The following RBFOX1 variants were observed in gnomAD, a reference collection of about 807,000 sequenced individuals.
RBFOX1 encodes the protein RNA binding protein fox-1 homolog 1.
In RBFOX1, 8 loss-of-function variants were observed where a neutral mutation model predicts 57.7. The ratio of observed to expected loss-of-function variants is 0.14; its 90% confidence interval spans 0.08 to 0.25. The LOEUF (loss-of-function observed/expected upper bound fraction) is 0.25. Among genes scored for constraint, RBFOX1 ranks in the 10% least tolerant of loss-of-function variants. The pLI is 1.00. For missense variants in RBFOX1, 611 were observed against 548.5 expected, an observed-to-expected ratio of 1.11 and a Z score of -1.14; for synonymous variants, 326 against 222.4, an observed-to-expected ratio of 1.47 and a Z score of -4.15.
chr16:7,111,923 C>T (rs778876446), intron 4 of RBFOX1, among the ~76,000 whole-genome samples: 9 of 152,074 alleles, frequency 5.9e-5, no homozygotes, highest in Non-Finnish European at 1.0e-4. Flanking sequence ...CAAGTGGTCT[C>T]ATTCACAATT....
chr16:6,990,436 A>G (rs1356070934), intron 3 of RBFOX1, among the ~76,000 whole-genome samples: 1 of 152,072 alleles, frequency 6.6e-6, no homozygotes, highest in African/African-American at 2.4e-5. Context: ...GAGGCAGGAG[A>G]ATCGCTTGAA....
intron 3 of RBFOX1, among the ~76,000 whole-genome samples, chr16:6,926,243 G>T (rs1597408748): frequency 1.3e-5 from 2 of 152,110 alleles, no homozygotes; most frequent in East Asian, 3.9e-4. Flanking sequence ...GGAGGGGGAG[G>T]TTGCAGTGAG....
chr16:7,142,335 C>T (rs983570536), intron 4 of RBFOX1, among the ~76,000 whole-genome samples: 1 of 152,128 alleles, frequency 6.6e-6, no homozygotes, highest in Non-Finnish European at 1.5e-5. Flanking sequence ...AGTCCCATTT[C>T]ACTTAGGAAA....
intron 3 of RBFOX1, among the ~76,000 whole-genome samples, chr16:6,659,641 C>T (rs955484944): frequency 2.0e-5 from 3 of 152,018 alleles, no homozygotes; most frequent in Non-Finnish European, 4.4e-5. Flanking sequence ...CAGAGTCTGT[C>T]CTCTTAGTTT....
At chr16:7,341,707 C>A (rs952459611) in intron 4 of RBFOX1, among the ~76,000 whole-genome samples, 3 of 150,278 alleles carry the variant, frequency 2.0e-5, no homozygotes, top group Non-Finnish European at 3.0e-5. Flanking sequence ...TCCTTCCTTC[C>A]TTCCTTCCTT....
Position 6,749,915 on chromosome 16 carries a change from A to T in RBFOX1, c.-16+95265A>T, listed in dbSNP as rs970992037. Among the ~76,000 whole-genome samples the T allele has an allele frequency of 5.3e-5, 8 of 152,312 alleles. No individual in the cohort carries two copies. The East Asian group carries it at 1.4e-3, about 26-fold the overall frequency. On this transcript the variant is annotated intron_variant, in intron 3 of 15. Coordinates refer to ENST00000550418, the MANE Select transcript of RBFOX1 (RefSeq NM_018723.4). ...ATTTCTACATCCTCAGAATACAATA[A>T]GGGCCAAGCTGACTGTGTCAGGGTG...
chr16:6,202,824 G>T (rs572455400), intron 1 of RBFOX1, among the ~76,000 whole-genome samples: 20 of 152,202 alleles, frequency 1.3e-4, no homozygotes, highest in African/African-American at 3.9e-4. Flanking sequence ...ATCTCATTCT[G>T]TTGCCCAGGC....
At chr16:6,795,219 A>G (rs1052103928) in intron 3 of RBFOX1, among the ~76,000 whole-genome samples, 12 of 152,244 alleles carry the variant, frequency 7.9e-5, no homozygotes, top group African/African-American at 2.6e-4. Context: ...TAGGTTACCC[A>G]CTTGTGTCCA....
intron 3 of RBFOX1, among the ~76,000 whole-genome samples, chr16:6,746,356 C>A (rs1304172187): frequency 6.6e-6 from 1 of 152,016 alleles, no homozygotes; most frequent in Non-Finnish European, 1.5e-5. Flanking sequence ...GTATGATTTG[C>A]AGACTTAATG....
chr16:6,871,211 A>C (rs1050500070), intron 3 of RBFOX1, among the ~76,000 whole-genome samples: 4 of 151,978 alleles, frequency 2.6e-5, no homozygotes, highest in African/African-American at 9.7e-5. Context: ...TTGGAGATGG[A>C]GTGTTGCTCT....
chr16:6,441,066 G>A (rs1303979777), intron 2 of RBFOX1, among the ~76,000 whole-genome samples: 2 of 151,702 alleles, frequency 1.3e-5, no homozygotes, highest in Non-Finnish European at 2.9e-5. Flanking sequence ...CACCGTCCAA[G>A]AGTGATGACC....
intron 1 of RBFOX1, among the ~76,000 whole-genome samples, chr16:6,201,084 G>A (rs547739816): frequency 4.0e-5 from 6 of 151,896 alleles, no homozygotes; most frequent in East Asian, 3.9e-4. Flanking sequence ...GGCTTATTTC[G>A]CTTAACATAA....
At chr16:6,578,297 C>T (rs1039265779) in intron 2 of RBFOX1, among the ~76,000 whole-genome samples, 5 of 152,152 alleles carry the variant, frequency 3.3e-5, no homozygotes, top group African/African-American at 1.2e-4. Context: ...AATGGATCAT[C>T]ATGTAACAGG....
At chr16:6,237,568 C>T (rs904429317) in intron 1 of RBFOX1, among the ~76,000 whole-genome samples, 2 of 152,078 alleles carry the variant, frequency 1.3e-5, no homozygotes, top group South Asian at 2.1e-4. Context: ...ATGGTGAAAC[C>T]TCGTCTTTAC....
intron 4 of RBFOX1, among the ~76,000 whole-genome samples, chr16:7,313,050 G>A (rs1186173765): frequency 6.6e-6 from 1 of 152,062 alleles, no homozygotes; most frequent in South Asian, 2.1e-4. Flanking sequence ...GTTCCCCACT[G>A]CTGCTCTTCC....
At chr16:5,973,534 C>T (rs936492127) in intron 4 of RBFOX1, among the ~76,000 whole-genome samples, 1 of 152,112 alleles carries the variant, frequency 6.6e-6, no homozygotes, top group African/African-American at 2.4e-5. Flanking sequence ...TATGAAGGAC[C>T]AGTCTCGATT....
At chr16:7,201,686 A>G (rs8054860) in intron 4 of RBFOX1, among the ~76,000 whole-genome samples, 14,907 of 152,020 alleles carry the variant, frequency 0.098, 780 homozygotes, top group Non-Finnish European at 0.11. Flanking sequence ...CTGGTCTTGA[A>G]TCCAGACCTC....
chr16:7,265,264 G>T (rs2095083438), intron 4 of RBFOX1, among the ~76,000 whole-genome samples: 1 of 151,864 alleles, frequency 6.6e-6, no homozygotes, highest in African/African-American at 2.4e-5. Context: ...CAGGGTAGTA[G>T]GATGGTCTAG....
rs1223194106 is a variant in RBFOX1 at position 6,168,381 on chromosome 16, A to G, written c.-127+148389A>G. On this transcript the variant is annotated intron_variant, in intron 1 of 15. Transcript: ENST00000550418. Reference sequence around the variant, plus strand: ...GCTTAAGTATGAACAGCTTAAGGAGAGGTCATGTCTTCCTTCTACGTAGAG... The same window carrying G: ...GCTTAAGTATGAACAGCTTAAGGAGGGGTCATGTCTTCCTTCTACGTAGAG... Among the ~76,000 whole-genome samples, 3 of 152,152 alleles carry G rather than the reference A, an allele frequency of 2.0e-5. No homozygotes were observed. The East Asian group carries it at 5.8e-4, about 30-fold the overall frequency.
Sources: gnomAD v4.1 joint callset for allele counts (sites outside exome capture counted in the v4.1 genomes callset) on GRCh38, gnomAD v4.1.1 for gene constraint, MANE v1.5 for transcripts, NCBI Gene and HGNC (gene_info 2026-07-23, HGNC 2026-07-21) for gene names.